Variants in TYW1 observed in about 807,000 individuals in gnomAD.
TYW1 encodes tRNA-yW synthesizing protein 1 homolog, also known as S-adenosyl-L-methionine-dependent tRNA 4-demethylwyosine synthase TYW1.
TYW1 carries 46 observed loss-of-function variants against 96.2 expected under a neutral mutation model. The ratio of observed to expected loss-of-function variants is 0.48; its 90% CI spans 0.38 to 0.61. TYW1 has a LOEUF of 0.61. Ranked by LOEUF, TYW1 falls within the 20% of genes least tolerant of loss-of-function variation. The probability of loss-of-function intolerance (pLI) is 0.00; values close to 1 mark genes in which losing one functional copy is unlikely to be tolerated. For missense variants in TYW1, 684 were observed against 909.6 expected (o/e 0.75, Z 3.19); for synonymous variants, 274 against 323.0 (o/e 0.85, Z 1.63).
intron 10 of TYW1, among the ~76,000 whole-genome samples, chr7:67,069,461 A>G (rs2421287): frequency 0.42 from 63,537 of 152,108 alleles, 13,454 homozygotes; most frequent in Middle Eastern, 0.47. Flanking sequence ...AATACTGGCC[A>G]GGTGCAGTGG....
intron 12 of TYW1, among the ~76,000 whole-genome samples, chr7:67,106,993 TTC>T (rs1797264262): frequency 2.0e-5 from 3 of 152,244 alleles, no homozygotes; most frequent in South Asian, 2.1e-4. Flanking sequence ...ACTTCTGTAT[TTC>T]TGTTTTGTTT....
intron 3 of TYW1, among the ~76,000 whole-genome samples, chr7:67,003,745 A>C (rs1178205047): frequency 6.6e-6 from 1 of 152,206 alleles, no homozygotes. Flanking sequence ...TCTCATTGTC[A>C]GGAATTTGAG....
At position 67,083,542 on chromosome 7, in the gene TYW1, A is replaced by G; in HGVS notation, c.1384+3A>G. 6.2e-7 allele frequency: 1 copy of G among 1,613,980 alleles called. No individual in the cohort carries two copies. The highest frequency in any genetic ancestry group is 8.5e-7 in the Non-Finnish European group (1 of 1,179,896). On this transcript the variant is annotated splice_donor_region_variant and intron_variant, in intron 11 of 15. Coordinates refer to ENST00000359626, the MANE Select transcript of TYW1 (RefSeq NM_018264.4). The stretch of plus-strand genomic sequence containing the variant: ...GAACATGATTAAGCAGTTTAAAGGT[A>G]TTTATCTTCCCTCTACAAAGGAATG...
chr7:67,162,313 C>CTAA (rs1799187472), intron 13 of TYW1, among the ~76,000 whole-genome samples: 1 of 102,172 alleles, frequency 9.8e-6, no homozygotes, highest in Non-Finnish European at 2.0e-5. Flanking sequence ...GACTCTGTCT[C>CTAA]AAAAAAAAAA....
chr7:67,054,121 C>T (rs1047239616), intron 8 of TYW1, among the ~76,000 whole-genome samples: 1 of 152,114 alleles, frequency 6.6e-6, no homozygotes, highest in East Asian at 1.9e-4. Flanking sequence ...ATATTTTGTC[C>T]ATTTTTTGGT....
intron 9 of TYW1, among the ~76,000 whole-genome samples, chr7:67,059,885 G>C (rs1205981258): frequency 2.0e-5 from 3 of 151,556 alleles, no homozygotes; most frequent in Non-Finnish European, 4.4e-5. Flanking sequence ...CAATTCTCCT[G>C]CCTCAGCCTC....
chr7:67,150,696 A>C (rs1798767121), intron 13 of TYW1, among the ~76,000 whole-genome samples: 1 of 152,118 alleles, frequency 6.6e-6, no homozygotes. Flanking sequence ...CTTGCAACTA[A>C]AATTTCAGAT....
intron 7 of TYW1, among the ~76,000 whole-genome samples, chr7:67,044,290 G>T (rs902329313): frequency 1.3e-5 from 2 of 151,988 alleles, no homozygotes; most frequent in East Asian, 3.9e-4. Context: ...GAAGAGATGG[G>T]TTTCATCATG....
intron 11 of TYW1, chr7:67,089,233 G>A (rs1796639653): frequency 1.3e-5 from 15 of 1,165,886 alleles, no homozygotes; most frequent in South Asian, 1.6e-5. Flanking sequence ...CAAGCCCTGG[G>A]GGTAGCGGGC....
intron 7 of TYW1, among the ~76,000 whole-genome samples, chr7:67,035,780 C>T (rs531610238): frequency 7.3e-5 from 11 of 151,538 alleles, no homozygotes; most frequent in South Asian, 6.2e-4. Flanking sequence ...CAGGTTCAAG[C>T]GATTCTCCTG....
intron 3 of TYW1, among the ~76,000 whole-genome samples, chr7:66,999,722 C>T (rs909169788): frequency 6.6e-6 from 1 of 152,182 alleles, no homozygotes; most frequent in African/African-American, 2.4e-5. Flanking sequence ...TAAAGGTAGA[C>T]ACTAAAGTAA....
intron 1 of TYW1, among the ~76,000 whole-genome samples, chr7:66,997,525 A>G (rs1562957929): frequency 1.3e-5 from 2 of 152,188 alleles, no homozygotes; most frequent in Non-Finnish European, 2.9e-5. Flanking sequence ...CTCATTTCGA[A>G]GTGAAGATAC....
intron 15 of TYW1, among the ~76,000 whole-genome samples, chr7:67,207,357 G>A (rs1800838352): frequency 6.6e-6 from 1 of 151,960 alleles, no homozygotes; most frequent in African/African-American, 2.4e-5. Flanking sequence ...GCTAGTTTTG[G>A]TACCTACCAA....
At chr7:67,211,150 T>TTGGGTGTGTGTGTGTGTG (rs1801004005) in intron 15 of TYW1, among the ~76,000 whole-genome samples, 1 of 125,724 alleles carries the variant, frequency 8.0e-6, no homozygotes. Flanking sequence ...CCCATCAACA[T>TTGGGTGTGTGTGTGTGTG]TGTGTGTGTG....
chr7:67,143,322 A>G (rs1288822549), intron 13 of TYW1, among the ~76,000 whole-genome samples: 1 of 152,192 alleles, frequency 6.6e-6, no homozygotes, highest in African/African-American at 2.4e-5. Context: ...AAGGAGCGTG[A>G]GGAGAGATGC....
At position 67,030,894 on chromosome 7, in the gene TYW1, C is replaced by T. The variant is rs1383221642; in HGVS notation, c.984+5872C>T. ...TGAATGAACGTAATAGATTACATTA[C>T]ATCAAATTAAAAAAAAAATTAGTTG... On this transcript the variant is annotated intron_variant, in intron 7 of 15. Coordinates refer to ENST00000359626, the MANE Select transcript of TYW1 (RefSeq NM_018264.4). 2.6e-5 allele frequency among the ~76,000 whole-genome samples: 4 copies of T among 151,830 alleles called. No individual in the cohort carries two copies. In the East Asian group the frequency reaches 5.8e-4, roughly 22 times the overall value.
Position 67,017,948 on chromosome 7 carries a change from C to T in TYW1, c.666C>T (p.His222=), listed in dbSNP as rs1309360283. 12 of 1,614,012 alleles carry T rather than the reference C, an allele frequency of 7.4e-6. No homozygotes were observed. Among genetic ancestry groups the T allele is most frequent in the Non-Finnish European group, 1.0e-5 (12 of 1,180,038 alleles). ...ACTGCGACGTGGTTAAAAGCAAGCA[C>T]GGCAGCATTGAGGCCGACTTCAGAG... The part of the protein sequence containing the change: ...EGDCDVVKSK[H]GSIEADFRAW... The change falls in exon 6 of 16, where the codon CAC becomes CAT. Residue 222 remains histidine, a synonymous_variant. Transcript: ENST00000359626.
chr7:67,091,330 T>C (rs13246332), intron 11 of TYW1, among the ~76,000 whole-genome samples: 46 of 147,660 alleles, frequency 3.1e-4, no homozygotes, highest in Admixed American at 2.3e-3. Context: ...AACCAAACAC[T>C]GCATGTTCTC....
At chr7:67,085,356 G>A (rs1221684862) in intron 11 of TYW1, among the ~76,000 whole-genome samples, 1 of 152,060 alleles carries the variant, frequency 6.6e-6, no homozygotes, top group Non-Finnish European at 1.5e-5. Context: ...TCTCATGATA[G>A]TGAGTGAGTT....
Sources: allele counts gnomAD v4.1 joint callset (sites outside exome capture counted in the v4.1 genomes callset), GRCh38; gene constraint gnomAD v4.1.1; transcripts MANE v1.5; gene names NCBI Gene and HGNC (gene_info 2026-07-23, HGNC 2026-07-21).